DTNA: variants seen among roughly 807,000 people sequenced by gnomAD.
DTNA encodes dystrobrevin alpha.
Under a neutral mutation model 100.7 loss-of-function variants are expected in DTNA, and 43 were observed. The ratio of observed to expected loss-of-function variants is 0.43; its 90% CI spans 0.33 to 0.55. The LOEUF (loss-of-function observed/expected upper bound fraction) is 0.55. Among genes scored for constraint, DTNA ranks in the 20% least tolerant of loss-of-function variants. The probability of loss-of-function intolerance (pLI) is 0.04; values close to 1 mark genes in which losing one functional copy is unlikely to be tolerated. For synonymous variants in DTNA, 349 were observed against 347.9 expected (o/e 1.00, Z -0.04); for missense variants, 798 against 953.9 (o/e 0.84, Z 2.15).
At chr18:34,535,356 G>GT (rs2043593362) in intron 1 of DTNA, among the ~76,000 whole-genome samples, 1 of 151,974 alleles carries the variant, frequency 6.6e-6, no homozygotes, top group Non-Finnish European at 1.5e-5. Context: ...TTGTAAATTT[G>GT]TTTAAGTTTC....
chr18:34,865,478 A>C (rs2096688036), intron 17 of DTNA, among the ~76,000 whole-genome samples: 1 of 152,034 alleles, frequency 6.6e-6, no homozygotes, highest in African/African-American at 2.4e-5. Context: ...CTCTTTAACA[A>C]TTGGTATTGG....
At chr18:34,795,278 G>A (rs1329475242) in intron 4 of DTNA, among the ~76,000 whole-genome samples, 1 of 152,186 alleles carries the variant, frequency 6.6e-6, no homozygotes, top group African/African-American at 2.4e-5. Context: ...AAAGCTACCA[G>A]CTGTCACTTT....
At chr18:34,852,050 C>T (rs546623714) in intron 15 of DTNA, 122 bp downstream of exon 15, 20 of 962,252 alleles carry the variant, frequency 2.1e-5, no homozygotes, top group Admixed American at 1.0e-4. Flanking sequence ...AAGACATCTA[C>T]ACTCAGTGAT....
At chr18:34,594,780 C>G (rs1486083641) in intron 1 of DTNA, among the ~76,000 whole-genome samples, 3 of 152,122 alleles carry the variant, frequency 2.0e-5, no homozygotes, top group Non-Finnish European at 4.4e-5. Flanking sequence ...AGTTCTGATG[C>G]CCCTTTCCTC....
chr18:34,589,089 T>C (rs1010560748), intron 1 of DTNA, among the ~76,000 whole-genome samples: 2 of 151,902 alleles, frequency 1.3e-5, no homozygotes. Context: ...TACAGTTATT[T>C]TCATGTGACA....
At chr18:34,686,306 A>G (rs542652517) in intron 1 of DTNA, among the ~76,000 whole-genome samples, 33 of 152,298 alleles carry the variant, frequency 2.2e-4, no homozygotes, top group African/African-American at 7.7e-4. Context: ...ATTTTGAGAT[A>G]TGTTCCATCA....
intron 1 of DTNA, among the ~76,000 whole-genome samples, chr18:34,655,411 T>A (rs562292342): frequency 6.6e-6 from 1 of 152,318 alleles, no homozygotes; most frequent in Admixed American, 6.5e-5. Context: ...AGAATCCTAC[T>A]TGCTTAACTT....
At chr18:34,626,560 T>C (rs1250716956) in intron 1 of DTNA, among the ~76,000 whole-genome samples, 2 of 152,198 alleles carry the variant, frequency 1.3e-5, no homozygotes, top group Admixed American at 6.5e-5. Flanking sequence ...CTTTAATACC[T>C]GAGAAGAGGC....
intron 1 of DTNA, among the ~76,000 whole-genome samples, chr18:34,524,674 C>A (rs2145318558): frequency 6.6e-6 from 1 of 152,216 alleles, no homozygotes. Flanking sequence ...CTCTGGTATG[C>A]AAACATAGTA....
chr18:34,653,021 G>T (rs2073828435), intron 1 of DTNA, among the ~76,000 whole-genome samples: 1 of 152,122 alleles, frequency 6.6e-6, no homozygotes, highest in Non-Finnish European at 1.5e-5. Context: ...GATCATATCT[G>T]AATCTAGTAT....
chr18:34,508,522 G>A (rs2040717801), intron 1 of DTNA, among the ~76,000 whole-genome samples: 1 of 152,104 alleles, frequency 6.6e-6, no homozygotes, highest in South Asian at 2.1e-4. Context: ...CCAAACCCCA[G>A]GATAGGGTAA....
intron 22 of DTNA, among the ~76,000 whole-genome samples, chr18:34,885,132 TGAAAAG>T (rs1568908238): frequency 1.3e-5 from 2 of 152,118 alleles, no homozygotes; most frequent in Non-Finnish European, 2.9e-5. Context: ...CTCTAGCACT[TGAAAAG>T]GAAAAGTCAG....
At chr18:34,719,637 G>A (rs1016961240) in intron 1 of DTNA, among the ~76,000 whole-genome samples, 1 of 152,154 alleles carries the variant, frequency 6.6e-6, no homozygotes, top group African/African-American at 2.4e-5. Context: ...CTGCAAAAAT[G>A]TTAGCAATTA....
intron 8 of DTNA, 103 bp from the exon 9 acceptor site, chr18:34,820,688 G>T: frequency 6.4e-7 from 1 of 1,564,236 alleles, no homozygotes; most frequent in Non-Finnish European, 8.7e-7. Flanking sequence ...ACTGAAAAAG[G>T]ATTTCTTCCG....
rs1602849743 is a variant in DTNA, at chr18:34,828,895, T to C, written c.1086-505T>C. Reference sequence around the variant, plus strand: ...ATGAAATCATAAACTGTAAAATCTGTAAAAGACACAGGTCTGTGCATCTAT... The same window carrying C: ...ATGAAATCATAAACTGTAAAATCTGCAAAAGACACAGGTCTGTGCATCTAT... On this transcript the variant is annotated intron_variant, in intron 10 of 22. Transcript: ENST00000444659. 13 of 902,746 alleles carry C rather than the reference T, an allele frequency of 1.4e-5. No homozygotes were observed. In the East Asian group the frequency reaches 3.3e-4, roughly 23 times the overall value. The allele number at this position is 902,746 out of a possible 1,614,324, so 55.9% of individuals were successfully genotyped here. A position where few individuals can be genotyped will look rare whatever the true frequency, so the allele number is the denominator to read the frequency against.
intron 1 of DTNA, among the ~76,000 whole-genome samples, chr18:34,641,188 A>C (rs1033636117): frequency 2.0e-5 from 3 of 152,218 alleles, no homozygotes; most frequent in African/African-American, 7.2e-5. Context: ...GAATCATAGA[A>C]TCTCAAAGAT....
At chr18:34,630,659 G>C (rs760767222) in intron 1 of DTNA, among the ~76,000 whole-genome samples, 4 of 152,106 alleles carry the variant, frequency 2.6e-5, no homozygotes, top group Non-Finnish European at 4.4e-5. Context: ...TCGGGAAGAT[G>C]TAATAACCTC....
At chr18:34,729,665 G>A (rs1242493155) in intron 1 of DTNA, among the ~76,000 whole-genome samples, 2 of 152,042 alleles carry the variant, frequency 1.3e-5, no homozygotes, top group Non-Finnish European at 2.9e-5. Context: ...TCCATATTGG[G>A]CATTCAAAGA....
At chr18:34,569,528 A>G (rs1055308190) in intron 1 of DTNA, among the ~76,000 whole-genome samples, 6 of 152,208 alleles carry the variant, frequency 3.9e-5, no homozygotes, top group Non-Finnish European at 8.8e-5. Context: ...AAGAACCAGA[A>G]AGGATTCATC....
Sources: allele counts gnomAD v4.1 joint callset (sites outside exome capture counted in the v4.1 genomes callset), GRCh38; gene constraint gnomAD v4.1.1; transcripts MANE v1.5; gene names NCBI Gene and HGNC (gene_info 2026-07-23, HGNC 2026-07-21).